The following TEF variants were observed in gnomAD, a reference collection of about 807,000 sequenced individuals.
TEF encodes thyrotroph embryonic factor.
A neutral mutation model predicts 20.8 loss-of-function variants in TEF; 3 were observed. The observed-to-expected ratio is 0.14, with a 90% CI of 0.07 to 0.37. TEF has a LOEUF of 0.37. TEF is among the 10% of genes least tolerant of loss of function. TEF has a pLI of 1.00. For synonymous variants in TEF, 180 were observed against 171.1 expected (o/e 1.05, Z -0.41); for missense variants, 296 against 397.9 (o/e 0.74, Z 2.18).
At chr22:41,394,074 C>T in intron 2 of TEF, 22 bp from the exon 3 acceptor site, 1 of 1,609,842 alleles carries the variant, frequency 6.2e-7, no homozygotes, top group Non-Finnish European at 8.5e-7. Flanking sequence ...GCTTCGGGAC[C>T]ACCTGTCTCT....
intron 2 of TEF, among the ~76,000 whole-genome samples, chr22:41,393,722 G>A (rs1038896675): frequency 4.8e-5 from 7 of 146,524 alleles, no homozygotes; most frequent in Middle Eastern, 3.8e-3. Flanking sequence ...GCAATGAGCC[G>A]AGATTGCGCC....
At chr22:41,387,201 C>G (rs777752133) in intron 1 of TEF, 150 bp from the exon 2 acceptor site, 1 of 861,212 alleles carries the variant, frequency 1.2e-6, no homozygotes, top group Admixed American at 2.8e-5. Flanking sequence ...GTGCGAGATT[C>G]GAACTGGAGA....
chr22:41,381,925 C>T (rs975222203), upstream of TEF: 2 of 1,225,750 alleles, frequency 1.6e-6, no homozygotes, highest in Non-Finnish European at 2.0e-6. Flanking sequence ...GAGGCGGGGG[C>T]GCCATTGGGC....
chr22:41,396,548 A>T lies in TEF; in HGVS notation c.*588A>T, dbSNP rs1555967658. On this transcript the variant is annotated 3_prime_UTR_variant, in exon 4 of 4. Transcript: ENST00000266304. ...GAGTGGGGTCTCTGCACAGCCTGGGATGGGGCTTGGGGCTGGGGCCTGCAG... is the reference window on the plus strand; with the variant it reads ...GAGTGGGGTCTCTGCACAGCCTGGGTTGGGGCTTGGGGCTGGGGCCTGCAG... 5.8e-6 allele frequency: 1 copy of T among 173,312 alleles called. No individual in the cohort carries two copies. Among genetic ancestry groups the T allele is most frequent in the Non-Finnish European group, 1.2e-5 (1 of 82,676 alleles). 10.7% of individuals were successfully genotyped at this position (173,312 alleles called of 1,614,324 possible).
At chr22:41,382,305 T>C (rs2145977322) in intron 1 of TEF, 104 bp downstream of exon 1, 1 of 982,460 alleles carries the variant, frequency 1.0e-6, no homozygotes, top group Non-Finnish European at 1.3e-6. Flanking sequence ...GGAGCAGTGG[T>C]CCAGCGGAGG....
chr22:41,392,820 T>G (rs2037184216), intron 2 of TEF, among the ~76,000 whole-genome samples: 1 of 151,804 alleles, frequency 6.6e-6, no homozygotes, highest in African/African-American at 2.4e-5. Flanking sequence ...GTGGATCACT[T>G]GAGCTCAGCA....
At chr22:41,372,371 G>A (rs2036892335) in intron 1 of TEF, among the ~76,000 whole-genome samples, 1 of 152,198 alleles carries the variant, frequency 6.6e-6, no homozygotes, top group African/African-American at 2.4e-5. Context: ...GGCTGCTGCA[G>A]GACGGGCTCC....
chr22:41,398,602 GT>G lies in TEF; in HGVS notation c.*2646del, dbSNP rs1207284716. 1 of 153,388 alleles carries G rather than the reference GT, an allele frequency of 6.5e-6. No homozygotes were observed. The highest frequency in any genetic ancestry group is 1.9e-4 in the East Asian group (1 of 5,204). The allele number at this position is 153,388 out of a possible 1,614,324, so 9.5% of individuals were successfully genotyped here. A position where few individuals can be genotyped will look rare whatever the true frequency, so the allele number is the denominator to read the frequency against. On this transcript the variant is annotated 3_prime_UTR_variant, in exon 4 of 4. Coordinates refer to ENST00000266304, the MANE Select transcript of TEF (RefSeq NM_003216.4). ...ACGTGTGCATTTAGAGAGAGGGAGA[GT>G]TTTCAAGGTTTATGGCAACTTTGTG...
chr22:41,394,770 A>C (rs1329914263), intron 3 of TEF, among the ~76,000 whole-genome samples: 1 of 152,210 alleles, frequency 6.6e-6, no homozygotes, highest in Non-Finnish European at 1.5e-5. Flanking sequence ...CTTTCCTATG[A>C]AAAACTTACA....
At chr22:41,375,836 G>C (rs1040234123) in intron 1 of TEF, among the ~76,000 whole-genome samples, 1 of 152,092 alleles carries the variant, frequency 6.6e-6, no homozygotes, top group East Asian at 1.9e-4. Flanking sequence ...TTACTGATAG[G>C]GTGGGGATTT....
intron 1 of TEF, among the ~76,000 whole-genome samples, chr22:41,375,569 T>A (rs1469125270): frequency 6.6e-6 from 1 of 151,980 alleles, no homozygotes; most frequent in African/African-American, 2.4e-5. Flanking sequence ...GCTAACACAG[T>A]GAAACCCCGT....
chr22:41,379,876 A>G (rs73176682), upstream of TEF, among the ~76,000 whole-genome samples: 27,943 of 148,522 alleles, frequency 0.19, 3,664 homozygotes, highest in Admixed American at 0.38. Flanking sequence ...CTGGGCAACA[A>G]CAGCAAAACT....
chr22:41,370,125 T>A (rs1470598267), intron 1 of TEF: 3 of 984,668 alleles, frequency 3.0e-6, no homozygotes, highest in Non-Finnish European at 3.6e-6. Context: ...TCCCCCTTTT[T>A]TTTTTTTGAG....
chr22:41,387,328 C>CAAA, intron 1 of TEF, 23 bp from the exon 2 acceptor site: 1 of 1,612,824 alleles, frequency 6.2e-7, no homozygotes, highest in Non-Finnish European at 8.5e-7. Flanking sequence ...TGTGGTATTT[C>CAAA]ATCGCAGATT....
upstream of TEF, among the ~76,000 whole-genome samples, chr22:41,380,555 C>A (rs1033424450): frequency 6.6e-6 from 1 of 151,914 alleles, no homozygotes; most frequent in Admixed American, 6.6e-5. Context: ...ACTATACCAC[C>A]CCCCCAACCC....
chr22:41,387,299 G>C (rs1481715295), intron 1 of TEF, 52 bp from the exon 2 acceptor site: 1 of 1,592,772 alleles, frequency 6.3e-7, no homozygotes, highest in Non-Finnish European at 8.6e-7. Context: ...CCACTTCCTG[G>C]GATTGAGTTA....
Position 41,387,564 on chromosome 22 carries a change from C to T in TEF, c.371C>T (p.Pro124Leu). ...CACCTGGCCCACAACCTGCTGCTGC[C>T]TGTAGCAGAGCTAGAAGGGAAGGAG... is the stretch of plus-strand genomic sequence containing the variant. The part of the protein sequence containing the change: ...PTHLAHNLLL[P>L]VAELEGKESA... Residue 124 changes from proline (P) to leucine (L), a missense_variant, in exon 2 of 4, where the codon CCT (proline) becomes CTT (leucine). By Grantham distance (98) the Pro-to-Leu change is moderately conservative (BLOSUM62 -3). Transcript: ENST00000266304. 6.2e-7 allele frequency: 1 copy of T among 1,614,222 alleles called. No homozygotes were observed. Among genetic ancestry groups the T allele is most frequent in the Non-Finnish European group, 8.5e-7 (1 of 1,180,044 alleles).
At position 41,373,214 on chromosome 22, in the gene TEF, C is replaced by T. The variant is rs182075343; in HGVS notation, c.67+5615C>T. ...GCCAGGTGGTGTCCTAGCACTGTGC[C>T]TGAATGGACTACTTTACTTCGGACA... is the stretch of plus-strand genomic sequence containing the variant. On this transcript the variant is annotated intron_variant, in intron 1 of 3. Coordinates refer to the TEF transcript ENST00000406644. Among the ~76,000 whole-genome samples, 864 of 152,276 alleles carry T rather than the reference C, an allele frequency of 5.7e-3. 28 individuals carry two copies. Among genetic ancestry groups the T allele is most frequent in the Admixed American group, 0.051 (781 of 15,298 alleles).
chr22:41,382,179 C>T lies in TEF; in HGVS notation c.135C>T (p.Asn45=), dbSNP rs1001873357. The T allele has an allele frequency of 5.6e-6, 7 of 1,240,500 alleles. No homozygotes were observed. The highest frequency in any genetic ancestry group is 6.0e-6 in the Non-Finnish European group (6 of 993,166). The allele number at this position is 1,240,500 out of a possible 1,614,324, so 76.8% of individuals were successfully genotyped here. ...TGGTCCTGAAGAAGCTGATGGAGAA[C>T]CCCCCGCGCGAGGCGCGCCTCGGTG... The part of the protein sequence containing the change: ...FPLVLKKLME[N]PPREARLDKE... The change falls in exon 1 of 4, where the codon AAC becomes AAT. Residue 45 remains asparagine, a synonymous_variant. Coordinates refer to ENST00000266304, the MANE Select transcript of TEF (RefSeq NM_003216.4).
Sources: allele counts gnomAD v4.1 joint callset (sites outside exome capture counted in the v4.1 genomes callset), GRCh38; gene constraint gnomAD v4.1.1; transcripts MANE v1.5; gene names NCBI Gene and HGNC (gene_info 2026-07-23, HGNC 2026-07-21).